Variants in GLRB observed in about 807,000 individuals in gnomAD.
GLRB encodes the protein glycine receptor subunit beta.
In GLRB, 33 loss-of-function variants were observed where a neutral mutation model predicts 54.2. That is an observed-to-expected ratio of 0.61 (90% CI 0.46 to 0.81). The LOEUF is 0.81. GLRB is among the 40% of genes least tolerant of loss of function. The pLI is 0.00. For missense variants in GLRB, 572 were observed against 584.6 expected, an observed-to-expected ratio of 0.98 and a Z score of 0.22; for synonymous variants, 209 against 208.2, an observed-to-expected ratio of 1.00 and a Z score of -0.03.
At chr4:157,099,134 A>G (rs188823571) in intron 2 of GLRB, among the ~76,000 whole-genome samples, 122 of 152,230 alleles carry the variant, frequency 8.0e-4, no homozygotes, top group African/African-American at 2.7e-3. Context: ...GTCTTATCAT[A>G]GGCAAGCAAG....
At chr4:157,158,109 G>A (rs1214335158) in intron 9 of GLRB, among the ~76,000 whole-genome samples, 3 of 152,022 alleles carry the variant, frequency 2.0e-5, no homozygotes, top group African/African-American at 7.2e-5. Flanking sequence ...ATTTTTTCAT[G>A]TGTCTGTTGG....
intron 4 of GLRB, among the ~76,000 whole-genome samples, chr4:157,128,754 A>G (rs554728817): frequency 6.6e-6 from 1 of 151,960 alleles, no homozygotes; most frequent in African/African-American, 2.4e-5. Context: ...AAAAATCACT[A>G]CTATATAACC....
chr4:157,092,285 C>T (rs1734647744), intron 2 of GLRB, among the ~76,000 whole-genome samples: 1 of 152,128 alleles, frequency 6.6e-6, no homozygotes. Flanking sequence ...CTAGAATAAG[C>T]AATCAGTTTG....
intron 2 of GLRB, among the ~76,000 whole-genome samples, chr4:157,097,723 A>C (rs1389418791): frequency 6.6e-6 from 1 of 152,182 alleles, no homozygotes; most frequent in African/African-American, 2.4e-5. Flanking sequence ...CATTTCTAGT[A>C]GTCAAGAAAT....
At chr4:157,166,613 A>T (rs7662298) in intron 9 of GLRB, among the ~76,000 whole-genome samples, 1 of 151,918 alleles carries the variant, frequency 6.6e-6, no homozygotes, top group Non-Finnish European at 1.5e-5. Flanking sequence ...TACTTCTGTA[A>T]TAGAGGTTCC....
intron 2 of GLRB, among the ~76,000 whole-genome samples, chr4:157,104,928 C>A (rs964808399): frequency 6.6e-6 from 1 of 151,512 alleles, no homozygotes; most frequent in Non-Finnish European, 1.5e-5. Flanking sequence ...ATTTTGATTT[C>A]TTCTTTTGAT....
chr4:157,081,498 T>C (rs747859428), intron 2 of GLRB, among the ~76,000 whole-genome samples: 1 of 152,198 alleles, frequency 6.6e-6, no homozygotes, highest in Non-Finnish European at 1.5e-5. Flanking sequence ...ATCACTGTAT[T>C]AAGAGTGGTG....
intron 2 of GLRB, among the ~76,000 whole-genome samples, chr4:157,114,537 C>T (rs999544291): frequency 2.6e-5 from 4 of 151,384 alleles, no homozygotes; most frequent in African/African-American, 7.3e-5. Context: ...AAGTCAAGGC[C>T]ATTCTTTATT....
rs1450363870 is a variant in GLRB, at chr4:157,138,794, T to A, written c.611-15T>A. On this transcript the variant is annotated splice_polypyrimidine_tract_variant and intron_variant, in intron 6 of 9. Transcript: ENST00000264428. ...ATTATATTTTAAACTAACATTTATTTGTTTTTGTTTATAGTTGGTTACACA... is the reference window on the plus strand; with the variant it reads ...ATTATATTTTAAACTAACATTTATTAGTTTTTGTTTATAGTTGGTTACACA... 6.9e-6 allele frequency: 9 copies of A among 1,312,212 alleles called. No individual in the cohort carries two copies. Among genetic ancestry groups the A allele is most frequent in the Non-Finnish European group, 9.9e-6 (9 of 910,782 alleles). 81.3% of individuals were successfully genotyped at this position (1,312,212 alleles called of 1,614,324 possible).
chr4:157,079,367 G>A (rs1464013235), intron 2 of GLRB, among the ~76,000 whole-genome samples: 2 of 152,014 alleles, frequency 1.3e-5, no homozygotes, highest in African/African-American at 4.8e-5. Flanking sequence ...GTACATTTTG[G>A]GAAGTATATT....
intron 9 of GLRB, among the ~76,000 whole-genome samples, chr4:157,164,552 G>C (rs59191537): frequency 6.6e-6 from 1 of 152,136 alleles, no homozygotes; most frequent in African/African-American, 2.4e-5. Context: ...CCTACGATCA[G>C]CTCCATTGGC....
chr4:157,151,113 G>A (rs894837635), intron 8 of GLRB, among the ~76,000 whole-genome samples: 2 of 151,980 alleles, frequency 1.3e-5, no homozygotes, highest in Non-Finnish European at 2.9e-5. Context: ...CAGGTATACA[G>A]CTAAGCTTAC....
intron 6 of GLRB, among the ~76,000 whole-genome samples, chr4:157,138,357 A>G (rs766044993): frequency 6.6e-6 from 1 of 152,210 alleles, no homozygotes; most frequent in Non-Finnish European, 1.5e-5. Context: ...TACAGGTGTC[A>G]GCCACCGCAC....
chr4:157,081,288 G>A (rs745947868), intron 2 of GLRB, among the ~76,000 whole-genome samples: 1 of 151,952 alleles, frequency 6.6e-6, no homozygotes, highest in African/African-American at 2.4e-5. Flanking sequence ...TTCTACCTGA[G>A]TGATTTTGTA....
chr4:157,155,341 G>A (rs1338899207), intron 9 of GLRB, among the ~76,000 whole-genome samples: 2 of 152,098 alleles, frequency 1.3e-5, no homozygotes, highest in African/African-American at 4.8e-5. Context: ...ATGTTGGCCA[G>A]ACTGGTCTCA....
Position 157,143,939 on chromosome 4 carries a change from G to A in GLRB, c.884G>A (p.Ser295Asn). ...TCCTTCTGGATCAACCCGGACGCGA[G>A]TGCTGCCAGAGTGCCCCTGGGTAAG... is the stretch of plus-strand genomic sequence containing the variant. ...WLSFWINPDA[S>N]AARVPLGIFS... The change falls in exon 8 of 10, where the codon AGT becomes AAT. Residue 295 changes from serine to asparagine, a missense_variant. Physicochemically the swap from Ser to Asn is conservative, Grantham distance 46. Coordinates refer to ENST00000264428, the MANE Select transcript of GLRB (RefSeq NM_000824.5). 1 of 1,614,052 alleles carries A rather than the reference G, an allele frequency of 6.2e-7. No individual in the cohort carries two copies. The highest frequency in any genetic ancestry group is 8.5e-7 in the Non-Finnish European group (1 of 1,180,000).
intron 2 of GLRB, among the ~76,000 whole-genome samples, chr4:157,113,508 T>G (rs939980833): frequency 6.6e-6 from 1 of 151,976 alleles, no homozygotes; most frequent in African/African-American, 2.4e-5. Context: ...ACATGAGATA[T>G]GAAGTTAAAA....
At position 157,082,989 on chromosome 4, in the gene GLRB, T is replaced by C. The variant is rs537144379; in HGVS notation, c.122+4843T>C. 1.7e-3 allele frequency among the ~76,000 whole-genome samples: 247 copies of C among 142,746 alleles called. 2 individuals carry two copies. The highest frequency in any genetic ancestry group is 0.011 in the Middle Eastern group (3 of 262). The allele number at this position is 142,746 out of a possible 152,430, so 93.6% of individuals were successfully genotyped here. ...TTATATATATATATATATATATATA[T>C]ACACACATACTTACAATTTAGTATT... is the stretch of plus-strand genomic sequence containing the variant. On this transcript the variant is annotated intron_variant, in intron 2 of 9. Transcript: ENST00000264428.
At chr4:157,129,180 G>A (rs1736123890) in intron 4 of GLRB, among the ~76,000 whole-genome samples, 1 of 151,696 alleles carries the variant, frequency 6.6e-6, no homozygotes, top group South Asian at 2.1e-4. Context: ...GATTAATAGT[G>A]TGTTATTTGG....
Sources: allele counts gnomAD v4.1 joint callset (sites outside exome capture counted in the v4.1 genomes callset), GRCh38; gene constraint gnomAD v4.1.1; transcripts MANE v1.5; gene names NCBI Gene and HGNC (gene_info 2026-07-23, HGNC 2026-07-21).